DPP10: variants seen among roughly 807,000 people sequenced by gnomAD.
DPP10 encodes the protein dipeptidyl peptidase like 10.
In DPP10, 33 loss-of-function variants were observed where a neutral mutation model predicts 120.9. The observed-to-expected ratio is 0.27, with a 90% CI of 0.21 to 0.37. DPP10 has a LOEUF of 0.37. Among genes scored for constraint, DPP10 ranks in the 10% least tolerant of loss-of-function variants. The pLI, the probability that DPP10 is intolerant of heterozygous loss-of-function variation, is 1.00. For missense variants in DPP10, 816 were observed against 942.8 expected (o/e 0.87, Z 1.76); for synonymous variants, 337 against 326.1 (o/e 1.03, Z -0.36).
intron 1 of DPP10, among the ~76,000 whole-genome samples, chr2:114,771,248 G>T (rs1681220852): frequency 6.6e-6 from 1 of 152,140 alleles, no homozygotes; most frequent in Admixed American, 6.5e-5. Flanking sequence ...TTGAGATTTG[G>T]GTTGCAGGAG....
chr2:115,221,709 A>G (rs1053433309), intron 1 of DPP10, among the ~76,000 whole-genome samples: 5 of 148,258 alleles, frequency 3.4e-5, no homozygotes, highest in African/African-American at 1.3e-4. Context: ...TAGCCTGGCC[A>G]TCTTGGGCAA....
At position 115,844,423 on chromosome 2, in the gene DPP10, G is replaced by T. The variant is rs965453983; in HGVS notation, c.*2078G>T. ...TCTATTTTTCAATTAATTTAATACA[G>T]TTTCTAATGTGAAAGACATTTTTCT... On this transcript the variant is annotated 3_prime_UTR_variant, in exon 26 of 26. Coordinates refer to ENST00000410059, the MANE Select transcript of DPP10 (RefSeq NM_020868.6). The T allele has an allele frequency of 6.6e-5, 10 of 152,416 alleles. No individual in the cohort carries two copies. The highest frequency in any genetic ancestry group is 2.4e-4 in the African/African-American group (10 of 41,384). 9.4% of individuals were successfully genotyped at this position (152,416 alleles called of 1,614,324 possible).
chr2:114,772,404 C>G (rs141607834), intron 1 of DPP10, among the ~76,000 whole-genome samples: 4,707 of 152,140 alleles, frequency 0.031, 256 homozygotes, highest in African/African-American at 0.11. Context: ...ATGCGATCCA[C>G]CCACTCGGCC....
intron 1 of DPP10, among the ~76,000 whole-genome samples, chr2:115,217,259 C>T (rs1488845243): frequency 6.6e-6 from 1 of 152,180 alleles, no homozygotes; most frequent in Admixed American, 6.5e-5. Flanking sequence ...ATTTCTTCAT[C>T]TGTAAAAGGA....
rs1050670661 is a variant in DPP10 at position 114,819,087 on chromosome 2, C to T, written c.60+376249C>T. Among the ~76,000 whole-genome samples, 8 of 151,932 alleles carry T rather than the reference C, an allele frequency of 5.3e-5. No homozygotes were observed. In the East Asian group the frequency reaches 9.7e-4, roughly 18 times the overall value. ...ATGAAGTGCTGGGCATTTCGTTAGGCGATTACAAGAACACAACTTTTAATA... is the reference window on the plus strand; with the variant it reads ...ATGAAGTGCTGGGCATTTCGTTAGGTGATTACAAGAACACAACTTTTAATA... On this transcript the variant is annotated intron_variant, in intron 1 of 25. Coordinates refer to ENST00000410059, the MANE Select transcript of DPP10 (RefSeq NM_020868.6).
intron 7 of DPP10, among the ~76,000 whole-genome samples, chr2:115,690,584 T>C (rs2091262304): frequency 6.6e-6 from 1 of 152,114 alleles, no homozygotes; most frequent in Non-Finnish European, 1.5e-5. Context: ...GGCTAGCTTT[T>C]ATATTTTTAG....
intron 3 of DPP10, among the ~76,000 whole-genome samples, chr2:115,378,096 A>C (rs1303887981): frequency 1.6e-4 from 25 of 152,112 alleles, no homozygotes; most frequent in Non-Finnish European, 3.5e-4. Flanking sequence ...GAAGAAAGTA[A>C]TTGGTAGCTT....
intron 3 of DPP10, among the ~76,000 whole-genome samples, chr2:115,484,443 T>A (rs1003920224): frequency 6.6e-6 from 1 of 152,086 alleles, no homozygotes; most frequent in South Asian, 2.1e-4. Flanking sequence ...GTGATTTAGG[T>A]TTGTGCCTAA....
chr2:114,563,204 T>G (rs1215724148), intron 1 of DPP10, among the ~76,000 whole-genome samples: 1 of 152,084 alleles, frequency 6.6e-6, no homozygotes, highest in Non-Finnish European at 1.5e-5. Context: ...AAACCCCATC[T>G]TTACTAAAAA....
chr2:115,498,028 A>G (rs1034145944), intron 3 of DPP10, among the ~76,000 whole-genome samples: 1 of 146,582 alleles, frequency 6.8e-6, no homozygotes, highest in East Asian at 2.2e-4. Flanking sequence ...TAAAGATCAT[A>G]TAGAACTATC....
intron 1 of DPP10, among the ~76,000 whole-genome samples, chr2:115,182,177 G>A (rs1452066542): frequency 2.0e-5 from 3 of 151,980 alleles, no homozygotes; most frequent in Non-Finnish European, 2.9e-5. Flanking sequence ...TAATCTTTTC[G>A]CTTCAGGGAA....
intron 1 of DPP10, among the ~76,000 whole-genome samples, chr2:114,619,898 C>T (rs372201340): frequency 3.9e-5 from 6 of 151,996 alleles, no homozygotes; most frequent in South Asian, 2.1e-4. Flanking sequence ...ACTAATACTA[C>T]GATCATGAAG....
chr2:114,732,470 A>T (rs1677015319), intron 1 of DPP10, among the ~76,000 whole-genome samples: 1 of 152,144 alleles, frequency 6.6e-6, no homozygotes, highest in Admixed American at 6.6e-5. Context: ...CTGTGTGGGG[A>T]TTGGGGGAGA....
At chr2:114,852,153 T>TTTC (rs1688993879) in intron 1 of DPP10, among the ~76,000 whole-genome samples, 1 of 135,814 alleles carries the variant, frequency 7.4e-6, no homozygotes, top group Non-Finnish European at 1.6e-5. Flanking sequence ...ATTGCATCCT[T>TTTC]TTTTTTTTTT....
At position 114,824,877 on chromosome 2, in the gene DPP10, G is replaced by C. The variant is rs115485136; in HGVS notation, c.60+382039G>C. ...TAAGCTCTAGATCCTCTCTAACAGAGATACTGTTGTAGGTAAAGGAGACAC... is the reference window on the plus strand; with the variant it reads ...TAAGCTCTAGATCCTCTCTAACAGACATACTGTTGTAGGTAAAGGAGACAC... On this transcript the variant is annotated intron_variant, in intron 1 of 25. Transcript: ENST00000410059. Among the ~76,000 whole-genome samples the C allele has an allele frequency of 5.8e-3, 887 of 152,254 alleles. 8 individuals are homozygous for C. Among genetic ancestry groups the C allele is most frequent in the African/African-American group, 0.02 (832 of 41,548 alleles).
chr2:115,485,089 A>G (rs1050751801), intron 3 of DPP10, among the ~76,000 whole-genome samples: 8 of 152,032 alleles, frequency 5.3e-5, no homozygotes, highest in African/African-American at 1.9e-4. Context: ...CAAACGAACA[A>G]ATATTAACTT....
intron 1 of DPP10, among the ~76,000 whole-genome samples, chr2:114,919,279 T>A (rs998844892): frequency 2.0e-5 from 3 of 152,188 alleles, no homozygotes; most frequent in Non-Finnish European, 4.4e-5. Flanking sequence ...AAAAATCAAC[T>A]TGAAGTCACA....
intron 3 of DPP10, among the ~76,000 whole-genome samples, chr2:115,469,900 G>GAAAAAAAAAAAAAA (rs751350699): frequency 1.1e-5 from 1 of 89,010 alleles, no homozygotes; most frequent in Non-Finnish European, 2.4e-5. Flanking sequence ...AAAAAAAAAA[G>GAAAAAAAAAAAAAA]AAAAAAAAAA....
At chr2:115,048,112 C>T (rs1240211592) in intron 1 of DPP10, among the ~76,000 whole-genome samples, 1 of 152,052 alleles carries the variant, frequency 6.6e-6, no homozygotes, top group African/African-American at 2.4e-5. Context: ...TTGGATTGTC[C>T]ATTATATTGG....
Sources: allele counts gnomAD v4.1 joint callset (sites outside exome capture counted in the v4.1 genomes callset), GRCh38; gene constraint gnomAD v4.1.1; transcripts MANE v1.5; gene names NCBI Gene and HGNC (gene_info 2026-07-23, HGNC 2026-07-21).